Variants in RPL7A observed in about 807,000 individuals in gnomAD.
RPL7A encodes the protein ribosomal protein L7a, also known as large ribosomal subunit protein eL8.
For missense variants in RPL7A, 291 were observed against 338.2 expected (o/e 0.86, Z 1.09); for synonymous variants, 158 against 128.2 (o/e 1.23, Z -1.57).
chr9:133,350,714 A>G lies in RPL7A; in HGVS notation c.613A>G (p.Thr205Ala), dbSNP rs1836373647. 6.2e-7 allele frequency: 1 copy of G among 1,614,028 alleles called. No homozygotes were observed. Among genetic ancestry groups the G allele is most frequent in the South Asian group, 1.1e-5 (1 of 91,084 alleles). The change falls in exon 6 of 8, where the codon ACA becomes GCA. Residue 205 changes from threonine to alanine, a missense_variant. Thr to Ala is a moderately conservative substitution (Grantham distance 58, BLOSUM62 0). Coordinates refer to ENST00000323345, the MANE Select transcript of RPL7A (RefSeq NM_000972.3). ...HRKTCTTVAF[T>A]QVNSEDKGAL... ...GAAGACCTGCACCACTGTCGCCTTC[A>G]CACAGGTGAACTCGTAAGTACACAG...
rs2129992702 is a variant in RPL7A at position 133,350,295 on chromosome 9, T to G, written c.471T>G (p.Ile157Met). The G allele has an allele frequency of 2.5e-6, 4 of 1,614,000 alleles. No homozygotes were observed. The highest frequency in any genetic ancestry group is 3.4e-6 in the Non-Finnish European group (4 of 1,180,004). ...ACAAGAAAGCTCAGCTGGTGGTGAT[T>G]GCACACGACGTGGATCCCATCGAGG... ...VENKKAQLVV[I>M]AHDVDPIELV... Residue 157 changes from isoleucine (I) to methionine (M), a missense_variant, in exon 5 of 8, where the codon ATT becomes ATG. By Grantham distance (10) the Ile-to-Met change is conservative. Coordinates refer to ENST00000323345, the MANE Select transcript of RPL7A (RefSeq NM_000972.3).
At chr9:133,350,433 C>T in intron 5 of RPL7A, 114 bp downstream of exon 5, 1 of 1,486,414 alleles carries the variant, frequency 6.7e-7, no homozygotes, top group Non-Finnish European at 9.4e-7. Context: ...AGTACTGACA[C>T]AGATCCAACA....
intron 2 of RPL7A, 82 bp downstream of exon 2, chr9:133,349,124 GT>G: frequency 6.5e-7 from 1 of 1,528,050 alleles, no homozygotes; most frequent in Non-Finnish European, 9.0e-7. Flanking sequence ...TATCTTGTAG[GT>G]TTTAGTGGGT....
At position 133,350,676 on chromosome 9, in the gene RPL7A, G is replaced by A. The variant is rs2129995273; in HGVS notation, c.575G>A (p.Arg192His). The stretch of plus-strand genomic sequence containing the variant: ...ATCAAGGGAAAGGCAAGACTGGGAC[G>A]TCTAGTCCACAGGAAGACCTGCACC... ...CIIKGKARLG[R>H]LVHRKTCTTV... is the part of the protein sequence containing the mutation. The change falls in exon 6 of 8, where the codon CGT becomes CAT. Residue 192 changes from arginine (R) to histidine (H), a missense_variant. By Grantham distance (29) the Arg-to-His change is conservative. Coordinates refer to ENST00000323345, the MANE Select transcript of RPL7A (RefSeq NM_000972.3). 2.4e-5 allele frequency: 38 copies of A among 1,614,044 alleles called. No individual in the cohort carries two copies. Among genetic ancestry groups the A allele is most frequent in the Non-Finnish European group, 3.1e-5 (36 of 1,180,024 alleles).
intron 3 of RPL7A, 40 bp downstream of exon 3, chr9:133,349,740 G>C (rs2129988322): frequency 2.1e-5 from 33 of 1,608,818 alleles, no homozygotes; most frequent in Non-Finnish European, 2.6e-5. Flanking sequence ...CTCAGGCAAG[G>C]ATTCCTTATT....
rs2129984987 is a variant in RPL7A, at chr9:133,349,348, T to A, written c.125-203T>A. ...CTGTACTTCGTGGCACCTTGGCTTC[T>A]TGTTAGATGAGGAAAAGCATCGTGC... On this transcript the variant is annotated intron_variant, in intron 2 of 7. Coordinates refer to ENST00000323345, the MANE Select transcript of RPL7A (RefSeq NM_000972.3). 4 of 862,976 alleles carry A rather than the reference T, an allele frequency of 4.6e-6. No homozygotes were observed. The Admixed American group carries it at 6.8e-5, about 15-fold the overall frequency. The allele number at this position is 862,976 out of a possible 1,614,324, so 53.5% of individuals were successfully genotyped here.
At chr9:133,348,581 A>G in intron 1 of RPL7A, 1 of 592,542 alleles carries the variant, frequency 1.7e-6, no homozygotes, top group Non-Finnish European at 3.0e-6. Flanking sequence ...CTTGTGAGCG[A>G]CGAGTTCTGA....
intron 4 of RPL7A, 55 bp from the exon 5 acceptor site, chr9:133,350,185 T>C: frequency 6.2e-7 from 1 of 1,611,848 alleles, no homozygotes; most frequent in Non-Finnish European, 8.5e-7. Flanking sequence ...GCCCAGCAGC[T>C]TCTTGTGACT....
At chr9:133,348,282 G>T (rs782389850) in intron 1 of RPL7A, 36 bp downstream of exon 1, 1 of 1,613,904 alleles carries the variant, frequency 6.2e-7, no homozygotes, top group Non-Finnish European at 8.5e-7. Flanking sequence ...CTATAGCCAG[G>T]TTCCGGCTGT....
intron 6 of RPL7A, 23 bp downstream of exon 6, chr9:133,350,750 A>G (rs2129995835): frequency 1.9e-6 from 3 of 1,609,494 alleles, no homozygotes; most frequent in African/African-American, 1.3e-5. Context: ...CCTGGCCCCA[A>G]ACTTCCCCCC....
intron 3 of RPL7A, 78 bp from the exon 4 acceptor site, chr9:133,349,834 C>T: frequency 6.3e-7 from 1 of 1,587,512 alleles, no homozygotes; most frequent in South Asian, 1.1e-5. Context: ...GGACCGCAGT[C>T]CAGCATTTGT....
In RPL7A at chr9:133,351,318, C is replaced by G; in HGVS notation, c.753C>G (p.Ala251=). ...VLGPKSVARI[A]KLEKAKAKEL... ...GTCCTAAGTCTGTGGCTCGTATCGC[C>G]AAGCTCGAAAAGGCAAAGGCTAAAG... The change falls in exon 8 of 8, where the codon GCC becomes GCG. Residue 251 remains alanine, a synonymous_variant. Transcript: ENST00000323345. 1 of 1,613,880 alleles carries G rather than the reference C, an allele frequency of 6.2e-7. No homozygotes were observed. The highest frequency in any genetic ancestry group is 8.5e-7 in the Non-Finnish European group (1 of 1,179,896).
intron 6 of RPL7A, 121 bp downstream of exon 6, chr9:133,350,848 G>A (rs2129996503): frequency 6.5e-7 from 1 of 1,543,412 alleles, no homozygotes; most frequent in Admixed American, 1.7e-5. Context: ...CTGAACTTTT[G>A]CCAATGATGG....
intron 1 of RPL7A, chr9:133,348,649 C>T (rs1050127447): frequency 6.0e-6 from 4 of 671,986 alleles, no homozygotes; most frequent in Admixed American, 4.2e-5. Flanking sequence ...GTCATGAGTC[C>T]GGGGTGTCTC....
Position 133,349,973 on chromosome 9 carries a change from G to A in RPL7A, c.336G>A (p.Gln112=), listed in dbSNP as rs781898820. ...YRPETKQEKK[Q]RLLARAEKKA... ...CAGAGACAAAGCAAGAGAAGAAGCAGAGACTGTTGGCCCGGGCCGAGAAGA... is the reference window on the plus strand; with the variant it reads ...CAGAGACAAAGCAAGAGAAGAAGCAAAGACTGTTGGCCCGGGCCGAGAAGA... The change falls in exon 4 of 8, where the codon CAG becomes CAA. Residue 112 remains glutamine, a synonymous_variant. Transcript: ENST00000323345. 1 of 1,612,394 alleles carries A rather than the reference G, an allele frequency of 6.2e-7. No individual in the cohort carries two copies.
intron 6 of RPL7A, 92 bp downstream of exon 6, chr9:133,350,819 G>A: frequency 6.3e-7 from 1 of 1,582,814 alleles, no homozygotes; most frequent in East Asian, 2.2e-5. Flanking sequence ...CAATCTTTTA[G>A]TTTAAGAAAT....
rs1564346060 is a variant in RPL7A at position 133,351,416 on chromosome 9, A to G, written c.*50A>G. The G allele has an allele frequency of 2.2e-6, 3 of 1,360,790 alleles. No homozygotes were observed. Among genetic ancestry groups the G allele is most frequent in the East Asian group, 4.7e-5 (2 of 42,232 alleles). 84.3% of individuals were successfully genotyped at this position (1,360,790 alleles called of 1,614,324 possible). A position where few individuals can be genotyped will look rare whatever the true frequency, so the allele number is the denominator to read the frequency against. ...CATAAAAATAATTGAAATAATACAA[A>G]TTTTCCTTCAGCCAGTGTCTGTTGA... On this transcript the variant is annotated 3_prime_UTR_variant, in exon 8 of 8. Transcript: ENST00000323345.
intron 1 of RPL7A, 106 bp from the exon 2 acceptor site, chr9:133,348,816 A>G: frequency 6.4e-7 from 1 of 1,566,672 alleles, no homozygotes; most frequent in Non-Finnish European, 8.8e-7. Flanking sequence ...AGCTTAGTTC[A>G]GGCAGGTGCT....
chr9:133,348,815 C>A (rs2129981167), intron 1 of RPL7A, 107 bp from the exon 2 acceptor site: 4 of 1,565,460 alleles, frequency 2.6e-6, no homozygotes, highest in South Asian at 1.1e-5. Flanking sequence ...CAGCTTAGTT[C>A]AGGCAGGTGC....
Sources: allele counts gnomAD v4.1 joint callset, GRCh38; gene constraint gnomAD v4.1.1; transcripts MANE v1.5; gene names NCBI Gene and HGNC (gene_info 2026-07-23, HGNC 2026-07-21).